Variants in NLRP1 observed in about 807,000 individuals in gnomAD.
The protein encoded by NLRP1 is NLR family pyrin domain containing 1.
Under a neutral mutation model 136.7 loss-of-function variants are expected in NLRP1, and 94 were observed. That is an observed-to-expected ratio of 0.69 (90% CI 0.58 to 0.82). The LOEUF is 0.82. NLRP1 is among the 40% of genes least tolerant of loss of function. The pLI is 0.00. For missense variants in NLRP1, 1,575 were observed against 1,802.7 expected (o/e 0.87, Z 2.29); for synonymous variants, 690 against 725.1 (o/e 0.95, Z 0.78).
chr17:5,532,825 T>G lies in NLRP1; in HGVS notation c.3293A>C (p.Tyr1098Ser). 2 of 1,601,454 alleles carry G rather than the reference T, an allele frequency of 1.2e-6. No homozygotes were observed. Among genetic ancestry groups the G allele is most frequent in the Non-Finnish European group, 1.7e-6 (2 of 1,175,040 alleles). ...TEVVDKEKNL[Y>S]RVHFPVAGSY... ...CCAGCAGAGCCCCCTCACTCACCGG[T>G]ACAAGTTCTTTTCTTTGTCAACTAC... Residue 1098 changes from tyrosine (Y) to serine (S), a missense_variant, in exon 11 of 17, where the codon TAC (tyrosine) becomes TCC (serine). Coordinates refer to ENST00000572272, the MANE Select transcript of NLRP1 (RefSeq NM_033004.4).
In NLRP1 at chr17:5,541,661, T is replaced by G. The variant is rs1190649807; in HGVS notation, c.2699+196A>C. ...CTCGACTTGGCTTCTCTTGCTGTAT[T>G]TGGAGCCTGGAGGCCCCCTCCCTCT... On this transcript the variant is annotated intron_variant, in intron 6 of 16. Transcript: ENST00000572272. This position sits in a 1 kb window ranked among gnomAD's most constrained non-coding sequence, Gnocchi z 4.2. 6.6e-6 allele frequency among the ~76,000 whole-genome samples: 1 copy of G among 152,182 alleles called. No individual in the cohort carries two copies. The highest frequency in any genetic ancestry group is 2.4e-5 in the African/African-American group (1 of 41,458).
rs1442614925 is a variant in NLRP1 at position 5,520,924 on chromosome 17, G to C, written c.3872C>G (p.Thr1291Ser). 6.2e-7 allele frequency: 1 copy of C among 1,611,888 alleles called. No individual in the cohort carries two copies. Among genetic ancestry groups the C allele is most frequent in the Non-Finnish European group, 8.5e-7 (1 of 1,178,946 alleles). ...LTPLYMGCRY[T>S]VSGSGSGMLE... ...CATCCCTGAACCAGACCCAGACACA[G>C]TGTAACGACAGCCCATATAAAGTGG... Residue 1291 changes from threonine (T) to serine (S), a missense_variant, in exon 14 of 17, where the codon ACT becomes AGT. By Grantham distance (58) the Thr-to-Ser change is moderately conservative. Coordinates refer to ENST00000572272, the MANE Select transcript of NLRP1 (RefSeq NM_033004.4).
intron 4 of NLRP1, among the ~76,000 whole-genome samples, chr17:5,556,567 C>A (rs554210699): frequency 1.3e-5 from 2 of 151,106 alleles, no homozygotes; most frequent in Non-Finnish European, 2.9e-5. Flanking sequence ...CAATATGGTT[C>A]GATTTCGCCA....
At position 5,583,499 on chromosome 17, in the gene NLRP1, G is replaced by GCC. The variant is rs949992429; in HGVS notation, c.271+186_271+187dup. On this transcript the variant is annotated intron_variant, in intron 1 of 16. Coordinates refer to ENST00000572272, the MANE Select transcript of NLRP1 (RefSeq NM_033004.4). The surrounding 1 kb of genome is among the most constrained non-coding windows in gnomAD (Gnocchi z 4.5). ...TGTGGGGCTCTGAGGTGCAGCAAGG[G>GCC]CCCCCCCAGCAAGCCTCCTGGCTCC... 1.8e-4 allele frequency among the ~76,000 whole-genome samples: 27 copies of GCC among 152,132 alleles called. No individual in the cohort carries two copies. The highest frequency in any genetic ancestry group is 5.5e-4 in the African/African-American group (23 of 41,490).
Position 5,583,577 on chromosome 17 carries a change from C to G in NLRP1, c.271+110G>C. On this transcript the variant is annotated intron_variant, in intron 1 of 16. Coordinates refer to ENST00000572272, the MANE Select transcript of NLRP1 (RefSeq NM_033004.4). This position sits in a 1 kb window ranked among gnomAD's most constrained non-coding sequence, Gnocchi z 4.5. ...TTGAGAGGGCAGTTCCATGTCACTG[C>G]TCAGAGGAAGGCCTGGCAGGGAGGG... 8.5e-7 allele frequency: 1 copy of G among 1,173,452 alleles called. No homozygotes were observed. 72.7% of individuals were successfully genotyped at this position (1,173,452 alleles called of 1,614,324 possible). A position where few individuals can be genotyped will look rare whatever the true frequency, so the allele number is the denominator to read the frequency against.
intron 3 of NLRP1, among the ~76,000 whole-genome samples, chr17:5,565,303 T>A (rs79846951): frequency 0.024 from 3,641 of 152,322 alleles, 154 homozygotes; most frequent in African/African-American, 0.084. Flanking sequence ...ACGTCTATTC[T>A]AATCTTTTAA....
At chr17:5,540,789 C>T (rs1911774508) in intron 6 of NLRP1, among the ~76,000 whole-genome samples, 2 of 152,094 alleles carry the variant, frequency 1.3e-5, no homozygotes, top group Non-Finnish European at 2.9e-5. Flanking sequence ...AACTCTTGAT[C>T]AGGATTACTG....
At chr17:5,538,373 G>A (rs1911379741) in intron 7 of NLRP1, among the ~76,000 whole-genome samples, 1 of 152,062 alleles carries the variant, frequency 6.6e-6, no homozygotes, top group Non-Finnish European at 1.5e-5. Flanking sequence ...GGGCTCAAGT[G>A]CCTCTTTGTT....
At chr17:5,520,766 C>T in intron 14 of NLRP1, 115 bp downstream of exon 14, 1 of 996,542 alleles carries the variant, frequency 1.0e-6, no homozygotes, top group South Asian at 2.5e-5. Flanking sequence ...CACTCACTTT[C>T]TGTTCAACCT....
intron 11 of NLRP1, among the ~76,000 whole-genome samples, chr17:5,531,208 C>CTATA (rs1910228667): frequency 6.9e-6 from 1 of 144,358 alleles, no homozygotes; most frequent in Admixed American, 6.8e-5. Context: ...ATCTATCTAT[C>CTATA]TATCTATCTA....
chr17:5,551,133 C>T (rs1057170245), intron 5 of NLRP1, among the ~76,000 whole-genome samples: 5 of 152,044 alleles, frequency 3.3e-5, no homozygotes, highest in African/African-American at 4.8e-5. Flanking sequence ...TATGTATGAA[C>T]GATTACAGTA....
In NLRP1 at chr17:5,532,834, TTTTC is replaced by T. The variant is rs1910487925; in HGVS notation, c.3280_3283del (p.Glu1094ArgfsTer10). On this transcript the variant is annotated frameshift_variant, in exon 11 of 17. Coordinates refer to ENST00000572272, the MANE Select transcript of NLRP1 (RefSeq NM_033004.4). LOFTEE classifies it high-confidence loss of function. Reference sequence around the variant, plus strand: ...CCCCCTCACTCACCGGTACAAGTTCTTTTCTTTGTCAACTACCTCAGTAGCCACA... The same window carrying T: ...CCCCCTCACTCACCGGTACAAGTTCTTTTGTCAACTACCTCAGTAGCCACA... The T allele has an allele frequency of 6.2e-7, 1 of 1,605,014 alleles. No individual in the cohort carries two copies. The highest frequency in any genetic ancestry group is 8.5e-7 in the Non-Finnish European group (1 of 1,176,704).
intron 10 of NLRP1, 155 bp downstream of exon 10, chr17:5,533,149 T>C (rs1415120736): frequency 1.2e-4 from 170 of 1,449,570 alleles, no homozygotes; most frequent in Non-Finnish European, 1.5e-4. Flanking sequence ...GCCTGCTGTC[T>C]GGGGAGCCCC....
chr17:5,518,839 T>A (rs1290500101), intron 14 of NLRP1, among the ~76,000 whole-genome samples: 1 of 109,196 alleles, frequency 9.2e-6, no homozygotes, highest in Non-Finnish European at 1.8e-5. Context: ...CACAACAGCA[T>A]TTTTTTTTTT....
chr17:5,565,853 T>G (rs1363628038), intron 3 of NLRP1, among the ~76,000 whole-genome samples: 1 of 152,128 alleles, frequency 6.6e-6, no homozygotes, highest in East Asian at 1.9e-4. Flanking sequence ...GCTTCCATGT[T>G]GTTACTTGTT....
chr17:5,535,185 A>C (rs936667979), intron 8 of NLRP1, among the ~76,000 whole-genome samples: 15 of 151,246 alleles, frequency 9.9e-5, no homozygotes, highest in African/African-American at 1.5e-4. Context: ...ATGCCATTGC[A>C]CTCCAGCCTG....
At chr17:5,543,348 C>T (rs1445067425) in intron 5 of NLRP1, among the ~76,000 whole-genome samples, 1 of 152,086 alleles carries the variant, frequency 6.6e-6, no homozygotes, top group Non-Finnish European at 1.5e-5. Flanking sequence ...CAGGGGCACG[C>T]GTGGCTGGTA....
At chr17:5,562,553 C>T (rs892908017) in intron 3 of NLRP1, among the ~76,000 whole-genome samples, 1 of 152,172 alleles carries the variant, frequency 6.6e-6, no homozygotes, top group Admixed American at 6.5e-5. Context: ...AAGGTCACCC[C>T]CCTGTCCCCA....
At chr17:5,518,120 T>C in intron 14 of NLRP1, 1 of 466,058 alleles carries the variant, frequency 2.1e-6, no homozygotes, top group Non-Finnish European at 3.9e-6. Context: ...GTAGTGCTCA[T>C]AATCCTAAGC....
Sources: gnomAD v4.1 joint callset for allele counts (sites outside exome capture counted in the v4.1 genomes callset) on GRCh38, gnomAD v4.1.1 for gene constraint, Gnocchi (gnomAD v3.1) non-coding constraint, MANE v1.5 for transcripts, NCBI Gene and HGNC (gene_info 2026-07-23, HGNC 2026-07-21) for gene names.